Variants in POPDC1 observed in about 807,000 individuals in gnomAD.
POPDC1 encodes the protein popeye domain cAMP effector 1.
the POPDC1 span, among the ~76,000 whole-genome samples, chr6:105,119,184 C>A: frequency 2.4e-3 from 271 of 111,226 alleles, no homozygotes; most frequent in Non-Finnish European, 2.6e-3. Flanking sequence ...GACTCCCTCT[C>A]AAAAAAAAAA....
chr6:105,102,102 G>T, the POPDC1 span, among the ~76,000 whole-genome samples: 1 of 152,106 alleles, frequency 6.6e-6, no homozygotes, highest in Admixed American at 6.6e-5. Flanking sequence ...CACCTGCTCT[G>T]CCCACACCCA....
chr6:105,124,420 A>C, the POPDC1 span: 1 of 659,956 alleles, frequency 1.5e-6, no homozygotes, highest in African/African-American at 1.9e-5. Flanking sequence ...AGACAATACT[A>C]TATATGCCCT....
the POPDC1 span, chr6:105,129,573 T>G: frequency 1.4e-6 from 2 of 1,465,532 alleles, no homozygotes; most frequent in Non-Finnish European, 1.9e-6. Context: ...ATAAATTTGA[T>G]ATCCTCTATA....
chr6:105,100,092 T>C, the POPDC1 span: 1 of 152,162 alleles, frequency 6.6e-6, no homozygotes, highest in Non-Finnish European at 1.5e-5. Context: ...GAGAGTTTTG[T>C]TCATTATCAA....
chr6:105,101,103 G>T, the POPDC1 span: 2 of 1,611,264 alleles, frequency 1.2e-6, no homozygotes, highest in East Asian at 4.5e-5. Context: ...GGCAGCTGAT[G>T]GACTTTCAAT....
chr6:105,113,832 A>AG, the POPDC1 span, among the ~76,000 whole-genome samples: 1 of 6,360 alleles, frequency 1.6e-4, no homozygotes, highest in Non-Finnish European at 2.5e-3. Flanking sequence ...TTTTTTTTTT[A>AG]TAGAGACAAG....
the POPDC1 span, among the ~76,000 whole-genome samples, chr6:105,129,785 T>C: frequency 6.6e-6 from 1 of 152,196 alleles, no homozygotes; most frequent in Non-Finnish European, 1.5e-5. Flanking sequence ...TCAGGCAGGA[T>C]ATAGCAAAAC....
chr6:105,110,974 G>GTGTA, the POPDC1 span, among the ~76,000 whole-genome samples: 2 of 152,216 alleles, frequency 1.3e-5, no homozygotes, highest in African/African-American at 4.8e-5. Context: ...GTGTAAGCCA[G>GTGTA]TGTACCTGGC....
At chr6:105,129,614 A>G in the POPDC1 span, 1 of 1,097,836 alleles carries the variant, frequency 9.1e-7, no homozygotes, top group Non-Finnish European at 1.3e-6. Context: ...TCTGAAGGTG[A>G]TACTTTGCAA....
At chr6:105,097,653 C>T in the POPDC1 span, 2 of 152,234 alleles carry the variant, frequency 1.3e-5, no homozygotes, top group South Asian at 4.1e-4. Context: ...TCTTTGGGGC[C>T]GTGATGGGAG....
At chr6:105,115,679 A>C in the POPDC1 span, 1 of 1,613,894 alleles carries the variant, frequency 6.2e-7, no homozygotes, top group Non-Finnish European at 8.5e-7. Context: ...GTTTTGGGAT[A>C]ACTTACGAAG....
chr6:105,104,841 T>C, the POPDC1 span, among the ~76,000 whole-genome samples: 1 of 152,148 alleles, frequency 6.6e-6, no homozygotes, highest in Non-Finnish European at 1.5e-5. Context: ...GGACAATGGG[T>C]TAAATGTTGG....
the POPDC1 span, chr6:105,099,460 G>C: frequency 6.6e-6 from 1 of 152,334 alleles, no homozygotes; most frequent in East Asian, 1.9e-4. Context: ...ACAGGAGACT[G>C]ACTCAAAGTT....
chr6:105,133,976 T>C, the POPDC1 span, among the ~76,000 whole-genome samples: 1 of 152,138 alleles, frequency 6.6e-6, no homozygotes, highest in African/African-American at 2.4e-5. Context: ...TTTAGTCTAG[T>C]CTTCCATCAA....
the POPDC1 span, among the ~76,000 whole-genome samples, chr6:105,106,336 A>G: frequency 2.0e-5 from 3 of 152,186 alleles, no homozygotes; most frequent in Non-Finnish European, 2.9e-5. Context: ...GTGGAGCACA[A>G]TTGTGCTCTG....
the POPDC1 span, among the ~76,000 whole-genome samples, chr6:105,132,347 G>A: frequency 6.6e-6 from 1 of 152,078 alleles, no homozygotes; most frequent in African/African-American, 2.4e-5. Context: ...CTCTTTGTTT[G>A]GATACTATAC....
the POPDC1 span, among the ~76,000 whole-genome samples, chr6:105,128,862 C>T: frequency 6.6e-6 from 1 of 152,078 alleles, no homozygotes; most frequent in Non-Finnish European, 1.5e-5. Flanking sequence ...GTATGATCAA[C>T]AAATACAAGA....
chr6:105,128,739 C>T, the POPDC1 span, among the ~76,000 whole-genome samples: 1 of 152,114 alleles, frequency 6.6e-6, no homozygotes, highest in Admixed American at 6.5e-5. Flanking sequence ...AAGATTAAGG[C>T]AAGCATTATA....
At chr6:105,109,665 G>A in the POPDC1 span, among the ~76,000 whole-genome samples, 7 of 150,036 alleles carry the variant, frequency 4.7e-5, no homozygotes, top group African/African-American at 1.7e-4. Context: ...TTGAGCCTGG[G>A]AGGCGGGAGG....
Sources: allele counts gnomAD v4.1 joint callset (sites outside exome capture counted in the v4.1 genomes callset), GRCh38; gene constraint gnomAD v4.1.1; transcripts MANE v1.5; gene names NCBI Gene and HGNC (gene_info 2026-07-23, HGNC 2026-07-21).